ADAM11: variants seen among roughly 807,000 people sequenced by gnomAD.
ADAM11 encodes the protein ADAM metallopeptidase domain 11.
In ADAM11, 49 loss-of-function variants were observed where a neutral mutation model predicts 119.1. The observed-to-expected ratio is 0.41, with a 90% CI of 0.33 to 0.52. The LOEUF (loss-of-function observed/expected upper bound fraction) is 0.52. ADAM11 is among the 20% of genes least tolerant of loss of function. The probability of loss-of-function intolerance (pLI) is 0.20; values close to 1 mark genes in which losing one functional copy is unlikely to be tolerated. For synonymous variants in ADAM11, 364 were observed against 408.0 expected (o/e 0.89, Z 1.30); for missense variants, 777 against 1,047.5 (o/e 0.74, Z 3.56).
At chr17:44,765,683 C>T (rs1335687525) in intron 2 of ADAM11, among the ~76,000 whole-genome samples, 3 of 130,906 alleles carry the variant, frequency 2.3e-5, no homozygotes, top group Non-Finnish European at 4.6e-5. Context: ...TGCAGTGGCA[C>T]GATCTTGGCT....
chr17:44,772,331 C>A lies in ADAM11; in HGVS notation c.608C>A (p.Pro203Gln). ...CCAGATCCCCTCGGATGCAGGGAACCAGGTAAGGGAGGGAAGGGGGGGTGG... is the reference window on the plus strand; with the variant it reads ...CCAGATCCCCTCGGATGCAGGGAACAAGGTAAGGGAGGGAAGGGGGGGTGG... ...LLPDPLGCRE[P>Q]GCLFAVPAQS... The change falls in exon 7 of 27, where the codon CCA (proline) becomes CAA (glutamine). Residue 203 changes from proline to glutamine, a missense_variant and splice_region_variant. Transcript: ENST00000200557. This position sits in a 1 kb window ranked among gnomAD's most constrained non-coding sequence, Gnocchi z 4.5. The A allele has an allele frequency of 6.3e-7, 1 of 1,584,220 alleles. No homozygotes were observed. The highest frequency in any genetic ancestry group is 1.1e-5 in the South Asian group (1 of 88,490).
rs201231066 is a variant in ADAM11, at chr17:44,780,562, G to GC, written c.*808_*809insC. The GC allele has an allele frequency of 4.8e-4, 93 of 195,434 alleles. 1 individual carries two copies. In the East Asian group the frequency reaches 8.6e-3, roughly 18 times the overall value. 12.1% of individuals were successfully genotyped at this position (195,434 alleles called of 1,614,324 possible). On this transcript the variant is annotated 3_prime_UTR_variant, in exon 27 of 27. Coordinates refer to ENST00000200557, the MANE Select transcript of ADAM11 (RefSeq NM_002390.6). Reference sequence around the variant, plus strand: ...CACATGGATTTTGGCAGGGCGGGGGGGGTTCTAGAAAATATAGTTCCTATA... The same window carrying GC: ...CACATGGATTTTGGCAGGGCGGGGGGCGGTTCTAGAAAATATAGTTCCTATA...
chr17:44,778,832 C>T (rs982431424), intron 25 of ADAM11, among the ~76,000 whole-genome samples: 3 of 152,082 alleles, frequency 2.0e-5, no homozygotes, highest in Non-Finnish European at 2.9e-5. Flanking sequence ...TCTAAGCATC[C>T]CCAAATAGCC....
chr17:44,760,085 C>A (rs950005119), intron 2 of ADAM11, among the ~76,000 whole-genome samples, 188 bp downstream of exon 2: 1 of 152,180 alleles, frequency 6.6e-6, no homozygotes, highest in Non-Finnish European at 1.5e-5. Context: ...GCCCCAGGGC[C>A]CCCTTCCATT....
In ADAM11 at chr17:44,775,880, G is replaced by A. The variant is rs2049594237; in HGVS notation, c.1485+204G>A. 6.6e-6 allele frequency among the ~76,000 whole-genome samples: 1 copy of A among 152,062 alleles called. No individual in the cohort carries two copies. The highest frequency in any genetic ancestry group is 6.5e-5 in the Admixed American group (1 of 15,276). ...AGGCGGGGCTACGAGGAGCGGGAAG[G>A]GAAGGCTGCCCAGAATCAAGGAGGG... is the stretch of plus-strand genomic sequence containing the variant. On this transcript the variant is annotated intron_variant, in intron 17 of 26. Transcript: ENST00000200557. The surrounding 1 kb of genome is among the most constrained non-coding windows in gnomAD (Gnocchi z 7.5).
At chr17:44,769,878 G>A (rs1334563443) in intron 3 of ADAM11, 84 bp downstream of exon 3, 2 of 1,603,090 alleles carry the variant, frequency 1.2e-6, no homozygotes, top group South Asian at 2.2e-5. Flanking sequence ...GGGGTCTGGG[G>A]GTTGGGCCTG....
chr17:44,770,423 A>G (rs1468436319), intron 4 of ADAM11, among the ~76,000 whole-genome samples: 2 of 151,964 alleles, frequency 1.3e-5, no homozygotes, highest in East Asian at 1.9e-4. Context: ...TGCCTGGGAC[A>G]CTAGGGTCCC....
In ADAM11 at chr17:44,773,090, GCA is replaced by G. The variant is rs760976297; in HGVS notation, c.825+6_825+7del. Reference sequence around the variant, plus strand: ...GTGGTGAACCTGGCCGATGTGGTAAGCAGCTCTCCCTCCCTCCCTTCCCTCCT... The same window carrying G: ...GTGGTGAACCTGGCCGATGTGGTAAGGCTCTCCCTCCCTCCCTTCCCTCCT... On this transcript the variant is annotated splice_donor_region_variant and intron_variant, in intron 10 of 26. Coordinates refer to ENST00000200557, the MANE Select transcript of ADAM11 (RefSeq NM_002390.6). This position sits in a 1 kb window ranked among gnomAD's most constrained non-coding sequence, Gnocchi z 4.6. 1 of 1,613,626 alleles carries G rather than the reference GCA, an allele frequency of 6.2e-7. No homozygotes were observed. Among genetic ancestry groups the G allele is most frequent in the Admixed American group, 1.7e-5 (1 of 59,982 alleles).
In ADAM11 at chr17:44,775,312, G is replaced by C; in HGVS notation, c.1320+1G>C. On this transcript the variant is annotated splice_donor_variant, in intron 15 of 26. Coordinates refer to ENST00000200557, the MANE Select transcript of ADAM11 (RefSeq NM_002390.6). LOFTEE classifies it high-confidence loss of function. The surrounding 1 kb of genome is among the most constrained non-coding windows in gnomAD (Gnocchi z 7.5). ...CTGCCTCTTCAACAAGCCCCTCAAG[G>C]TACCAGCCCCGCGGCGGGGAGCATG... 1.2e-6 allele frequency: 2 copies of C among 1,613,782 alleles called. No homozygotes were observed.
At chr17:44,760,084 C>T (rs2049371700) in intron 2 of ADAM11, among the ~76,000 whole-genome samples, 187 bp downstream of exon 2, 1 of 152,152 alleles carries the variant, frequency 6.6e-6, no homozygotes, top group African/African-American at 2.4e-5. Flanking sequence ...AGCCCCAGGG[C>T]CCCCTTCCAT....
chr17:44,777,588 G>C lies in ADAM11; in HGVS notation c.1888G>C (p.Glu630Gln). Residue 630 changes from glutamate (E) to glutamine (Q), a missense_variant, in exon 22 of 27, where the codon GAG becomes CAG. Coordinates refer to ENST00000200557, the MANE Select transcript of ADAM11 (RefSeq NM_002390.6). This position sits in a 1 kb window ranked among gnomAD's most constrained non-coding sequence, Gnocchi z 5.1. ...TGTCACCTTCTACCACCAGGGCAAG[G>C]AGCTGGACTGCAGGTGCTGGCCAGG... ...SSVTFYHQGKELDCRGGHVQL... is the reference protein window; with the variant it reads ...SSVTFYHQGKQLDCRGGHVQL... The C allele has an allele frequency of 1.2e-6, 2 of 1,614,176 alleles. No individual in the cohort carries two copies. The highest frequency in any genetic ancestry group is 1.7e-6 in the Non-Finnish European group (2 of 1,180,034).
At chr17:44,759,422 C>A in intron 1 of ADAM11, 162 bp downstream of exon 1, 1 of 1,253,140 alleles carries the variant, frequency 8.0e-7, no homozygotes, top group African/African-American at 1.5e-5. Context: ...TGCGTCCACC[C>A]ACCTGTCCCC....
Position 44,775,189 on chromosome 17 carries a change from G to A in ADAM11, c.1221-23G>A. 1.3e-6 allele frequency: 2 copies of A among 1,596,562 alleles called. No individual in the cohort carries two copies. The highest frequency in any genetic ancestry group is 1.7e-6 in the Non-Finnish European group (2 of 1,164,832). ...GTGGGTTGGAGGGGAGCAGCCAGCA[G>A]CACCTCCCCTCGCCCTATCCAGGTT... On this transcript the variant is annotated intron_variant, in intron 14 of 26. Transcript: ENST00000200557. This position sits in a 1 kb window ranked among gnomAD's most constrained non-coding sequence, Gnocchi z 7.5.
At position 44,776,016 on chromosome 17, in the gene ADAM11, C is replaced by T. The variant is rs1388288615; in HGVS notation, c.1486-111C>T. 2.4e-6 allele frequency: 3 copies of T among 1,274,466 alleles called. No homozygotes were observed. Among genetic ancestry groups the T allele is most frequent in the African/African-American group, 1.5e-5 (1 of 67,768 alleles). 78.9% of individuals were successfully genotyped at this position (1,274,466 alleles called of 1,614,324 possible). A position where few individuals can be genotyped will look rare whatever the true frequency, so the allele number is the denominator to read the frequency against. On this transcript the variant is annotated intron_variant, in intron 17 of 26. Transcript: ENST00000200557. The surrounding 1 kb of genome is among the most constrained non-coding windows in gnomAD (Gnocchi z 5.2). ...ATAAGAACAGGCCTGAAACGGGGCC[C>T]TGGGGAGCTGGAGGGCCCGGGGATG... is the stretch of plus-strand genomic sequence containing the variant.
At chr17:44,778,651 A>AT (rs1421028946) in intron 25 of ADAM11, among the ~76,000 whole-genome samples, 1 of 128,080 alleles carries the variant, frequency 7.8e-6, no homozygotes, top group African/African-American at 2.9e-5. Flanking sequence ...AGATCGCACC[A>AT]TTGCACTCCA....
Position 44,779,854 on chromosome 17 carries a change from T to G in ADAM11, c.*100T>G. Reference sequence around the variant, plus strand: ...CGGAGGGAGGCACCATGCAAATGTCTTCCAGGTCCAAACCCTTCAACTCCT... The same window carrying G: ...CGGAGGGAGGCACCATGCAAATGTCGTCCAGGTCCAAACCCTTCAACTCCT... On this transcript the variant is annotated 3_prime_UTR_variant, in exon 27 of 27. Transcript: ENST00000200557. 4.6e-6 allele frequency: 7 copies of G among 1,510,466 alleles called. No homozygotes were observed. Among genetic ancestry groups the G allele is most frequent in the Non-Finnish European group, 6.4e-6 (7 of 1,093,132 alleles). 93.6% of individuals were successfully genotyped at this position (1,510,466 alleles called of 1,614,324 possible). A position where few individuals can be genotyped will look rare whatever the true frequency, so the allele number is the denominator to read the frequency against.
chr17:44,779,390 G>C, intron 26 of ADAM11, 151 bp downstream of exon 26: 1 of 1,454,354 alleles, frequency 6.9e-7, no homozygotes, highest in South Asian at 1.5e-5. Context: ...TGTCCCGGCA[G>C]GGGTGGGAGA....
intron 2 of ADAM11, among the ~76,000 whole-genome samples, chr17:44,760,670 C>A (rs771164225): frequency 6.6e-6 from 1 of 152,090 alleles, no homozygotes; most frequent in African/African-American, 2.4e-5. Flanking sequence ...GGCAAAGGCC[C>A]GGCACAAACA....
chr17:44,777,278 G>T lies in ADAM11; in HGVS notation c.1781+13G>T. The T allele has an allele frequency of 6.3e-7, 1 of 1,590,210 alleles. No individual in the cohort carries two copies. Among genetic ancestry groups the T allele is most frequent in the South Asian group, 1.1e-5 (1 of 89,136 alleles). On this transcript the variant is annotated intron_variant, in intron 21 of 26. Transcript: ENST00000200557. This position sits in a 1 kb window ranked among gnomAD's most constrained non-coding sequence, Gnocchi z 5.1. Reference sequence around the variant, plus strand: ...AGTGCAGTAAGCAGTGAGTACTGAGGCTCCCAGAGGGCCTCTCAGCTCCAG... The same window carrying T: ...AGTGCAGTAAGCAGTGAGTACTGAGTCTCCCAGAGGGCCTCTCAGCTCCAG...
Sources: gnomAD v4.1 joint callset for allele counts (sites outside exome capture counted in the v4.1 genomes callset) on GRCh38, gnomAD v4.1.1 for gene constraint, Gnocchi (gnomAD v3.1) non-coding constraint, MANE v1.5 for transcripts, NCBI Gene and HGNC (gene_info 2026-07-23, HGNC 2026-07-21) for gene names.